Variants in TENM3 observed in about 807,000 individuals in gnomAD.
TENM3 encodes teneurin transmembrane protein 3, also known as teneurin-3.
In TENM3, 63 loss-of-function variants were observed where a neutral mutation model predicts 255.1. That is an observed-to-expected ratio of 0.25 (90% CI 0.20 to 0.30). The LOEUF (loss-of-function observed/expected upper bound fraction) is 0.30. Among genes scored for constraint, TENM3 ranks in the 10% least tolerant of loss-of-function variants. TENM3 has a pLI of 1.00. For missense variants in TENM3, 2,929 were observed against 3,461.1 expected, an observed-to-expected ratio of 0.85 and a Z score of 3.86; for synonymous variants, 1,306 against 1,322.3, an observed-to-expected ratio of 0.99 and a Z score of 0.27.
chr4:182,261,210 A>G (rs1579934458), intron 1 of TENM3, among the ~76,000 whole-genome samples: 1 of 152,172 alleles, frequency 6.6e-6, no homozygotes, highest in Middle Eastern at 3.2e-3. Context: ...TCATCCATTC[A>G]ACACATACTT....
At chr4:182,636,905 TTC>T (rs1458720631) in intron 5 of TENM3, among the ~76,000 whole-genome samples, 1 of 152,190 alleles carries the variant, frequency 6.6e-6, no homozygotes, top group African/African-American at 2.4e-5. Context: ...TAGTGAAGTT[TTC>T]TCTGTTTTAA....
intron 1 of TENM3, among the ~76,000 whole-genome samples, chr4:182,226,321 A>G (rs762580968): frequency 6.6e-5 from 10 of 152,270 alleles, no homozygotes; most frequent in South Asian, 6.2e-4. Context: ...CTTGAAGCAG[A>G]CAGGAGTCCA....
At chr4:181,932,616 A>C in the TENM3 span, among the ~76,000 whole-genome samples, 7 of 152,206 alleles carry the variant, frequency 4.6e-5, no homozygotes, top group Non-Finnish European at 1.0e-4. Context: ...CGATTCCTCA[A>C]GGATCTAGAA....
chr4:181,520,395 G>C, the TENM3 span, among the ~76,000 whole-genome samples: 1 of 152,098 alleles, frequency 6.6e-6, no homozygotes, highest in Non-Finnish European at 1.5e-5. Context: ...CTTTGCAACT[G>C]TCATGGGGTA....
the TENM3 span, among the ~76,000 whole-genome samples, chr4:181,533,026 T>G: frequency 1.3e-5 from 2 of 152,184 alleles, no homozygotes; most frequent in African/African-American, 4.8e-5. Flanking sequence ...TTTACAAACG[T>G]GAAGACATGG....
chr4:181,666,459 A>G, the TENM3 span, among the ~76,000 whole-genome samples: 1 of 152,172 alleles, frequency 6.6e-6, no homozygotes, highest in Non-Finnish European at 1.5e-5. Flanking sequence ...TTCACAATCA[A>G]CAATGATAGC....
chr4:181,641,594 GGT>G, the TENM3 span, among the ~76,000 whole-genome samples: 1 of 30,244 alleles, frequency 3.3e-5, no homozygotes, highest in Admixed American at 4.5e-4. Flanking sequence ...ATATATATAT[GGT>G]GTGTGTGTGT....
intron 12 of TENM3, among the ~76,000 whole-genome samples, chr4:182,713,469 T>C (rs1561145651): frequency 6.6e-6 from 1 of 152,222 alleles, no homozygotes; most frequent in African/African-American, 2.4e-5. Context: ...TGACAAGGAA[T>C]GTACTCTTGG....
intron 1 of TENM3, among the ~76,000 whole-genome samples, chr4:182,237,665 T>G (rs2150047460): frequency 6.6e-6 from 1 of 152,314 alleles, no homozygotes; most frequent in East Asian, 1.9e-4. Context: ...CTTAGAAAAG[T>G]AATGTCGTGG....
chr4:181,949,328 A>T, the TENM3 span, among the ~76,000 whole-genome samples: 3 of 152,176 alleles, frequency 2.0e-5, no homozygotes, highest in Non-Finnish European at 4.4e-5. Context: ...GGTTTTATAG[A>T]CCTTTTATTC....
At chr4:181,764,307 C>G in the TENM3 span, among the ~76,000 whole-genome samples, 1 of 152,136 alleles carries the variant, frequency 6.6e-6, no homozygotes, top group Non-Finnish European at 1.5e-5. Flanking sequence ...GATGTAATCT[C>G]AGAAAGCCTT....
At chr4:182,146,209 A>G (rs776261143) in intron 1 of TENM3, among the ~76,000 whole-genome samples, 2 of 152,228 alleles carry the variant, frequency 1.3e-5, no homozygotes, top group African/African-American at 2.4e-5. Flanking sequence ...AAATTCAACA[A>G]TCTTGCTTTG....
chr4:181,773,320 G>A, the TENM3 span, among the ~76,000 whole-genome samples: 13,116 of 152,130 alleles, frequency 0.086, 682 homozygotes, highest in Admixed American at 0.15. Flanking sequence ...ATAGCAGCAC[G>A]AAAGTTGTTG....
At chr4:181,807,447 G>A in the TENM3 span, among the ~76,000 whole-genome samples, 19 of 152,226 alleles carry the variant, frequency 1.2e-4, no homozygotes, top group East Asian at 1.9e-4. Context: ...TCCGCCTCCC[G>A]GGTTCAAGTG....
chr4:182,771,470 G>A (rs767943400), intron 22 of TENM3, among the ~76,000 whole-genome samples: 4 of 142,436 alleles, frequency 2.8e-5, no homozygotes, highest in East Asian at 2.2e-4. Flanking sequence ...AGCTAACCAC[G>A]TCGTATTTTC....
At chr4:182,372,994 C>T (rs961896069) in intron 3 of TENM3, among the ~76,000 whole-genome samples, 5 of 152,092 alleles carry the variant, frequency 3.3e-5, no homozygotes, top group African/African-American at 7.2e-5. Context: ...CCTGCCTCGG[C>T]CTCCCAAAGT....
chr4:182,319,886 G>A (rs1762945842), intron 1 of TENM3, among the ~76,000 whole-genome samples: 1 of 152,188 alleles, frequency 6.6e-6, no homozygotes, highest in African/African-American at 2.4e-5. Flanking sequence ...GCCAAGGCGG[G>A]CAGATCACCT....
chr4:182,418,669 C>T (rs552753589), intron 3 of TENM3, among the ~76,000 whole-genome samples: 9 of 152,330 alleles, frequency 5.9e-5, no homozygotes, highest in Non-Finnish European at 1.0e-4. Context: ...TCATGTGATC[C>T]TCCCACCTCA....
chr4:182,446,737 G>A (rs927290224), intron 3 of TENM3, among the ~76,000 whole-genome samples: 27 of 152,006 alleles, frequency 1.8e-4, no homozygotes, highest in Non-Finnish European at 2.9e-5. Flanking sequence ...TGGGATTAGA[G>A]ACATGAGACA....
Sources: allele counts gnomAD v4.1 joint callset (sites outside exome capture counted in the v4.1 genomes callset), GRCh38; gene constraint gnomAD v4.1.1; transcripts MANE v1.5; gene names NCBI Gene and HGNC (gene_info 2026-07-23, HGNC 2026-07-21).